Variants in SGCD observed in about 807,000 individuals in gnomAD.
SGCD encodes sarcoglycan delta.
In SGCD, 18 loss-of-function variants were observed where a neutral mutation model predicts 36.6. That is an observed-to-expected ratio of 0.49 (90% CI 0.34 to 0.73). The LOEUF is 0.73. Among genes scored for constraint, SGCD ranks in the 30% least tolerant of loss-of-function variants. The probability of loss-of-function intolerance (pLI) is 0.01; values close to 1 mark genes in which losing one functional copy is unlikely to be tolerated. For missense variants in SGCD, 387 were observed against 346.7 expected, an observed-to-expected ratio of 1.12 and a Z score of -0.92; for synonymous variants, 133 against 130.6, an observed-to-expected ratio of 1.02 and a Z score of -0.12.
chr5:156,284,990 T>C (rs971025789), intron 3 of SGCD, among the ~76,000 whole-genome samples: 2 of 152,118 alleles, frequency 1.3e-5, no homozygotes, highest in Non-Finnish European at 2.9e-5. Flanking sequence ...GGATACAAAA[T>C]CAATGTGCAA....
At chr5:155,758,500 T>C in the SGCD span, among the ~76,000 whole-genome samples, 1 of 152,226 alleles carries the variant, frequency 6.6e-6, no homozygotes, top group Non-Finnish European at 1.5e-5. Flanking sequence ...CCCAGGGTTA[T>C]GGACTGGTAC....
intron 3 of SGCD, among the ~76,000 whole-genome samples, chr5:156,301,154 T>G (rs1245246893): frequency 6.6e-6 from 1 of 152,046 alleles, no homozygotes; most frequent in African/African-American, 2.4e-5. Context: ...GTTCTATTAT[T>G]GTCGTCTCTT....
At chr5:156,387,825 C>G (rs1771351899) in intron 3 of SGCD, among the ~76,000 whole-genome samples, 1 of 152,148 alleles carries the variant, frequency 6.6e-6, no homozygotes, top group Non-Finnish European at 1.5e-5. Context: ...ATAAAATATA[C>G]AAGACGGTGC....
At chr5:156,209,981 G>A (rs1375448269) in intron 3 of SGCD, among the ~76,000 whole-genome samples, 2 of 152,134 alleles carry the variant, frequency 1.3e-5, no homozygotes, top group Non-Finnish European at 2.9e-5. Flanking sequence ...GCAAACAAAG[G>A]CTCAAGGCCA....
At chr5:156,587,586 A>T (rs1482262200) in intron 4 of SGCD, among the ~76,000 whole-genome samples, 1 of 152,126 alleles carries the variant, frequency 6.6e-6, no homozygotes, top group Non-Finnish European at 1.5e-5. Context: ...CCATTCTGCC[A>T]TGTGCAGGTG....
intron 1 of SGCD, among the ~76,000 whole-genome samples, chr5:155,890,645 TAGATA>T (rs1756105297): frequency 1.4e-5 from 2 of 142,726 alleles, no homozygotes; most frequent in African/African-American, 2.8e-5. Context: ...AGATGATAGA[TAGATA>T]GATAGATAGA....
At chr5:156,044,147 G>A (rs1759706757) in intron 1 of SGCD, among the ~76,000 whole-genome samples, 1 of 152,136 alleles carries the variant, frequency 6.6e-6, no homozygotes, top group Non-Finnish European at 1.5e-5. Context: ...ATTGGAATGA[G>A]AGTAAGGTCT....
chr5:156,590,263 C>T (rs1760674737), intron 5 of SGCD, among the ~76,000 whole-genome samples: 1 of 152,084 alleles, frequency 6.6e-6, no homozygotes, highest in Non-Finnish European at 1.5e-5. Flanking sequence ...ACCTTTGTGA[C>T]CATAGTCTTC....
chr5:156,529,633 C>T lies in SGCD; in HGVS notation c.294+20931C>T, dbSNP rs564264001. The stretch of plus-strand genomic sequence containing the variant: ...CTCTGTCATTGCTATGGATATGTTA[C>T]GCCGTTAGTCTTAATTTTAAAAAAC... On this transcript the variant is annotated intron_variant, in intron 4 of 8. Transcript: ENST00000337851. 1.3e-4 allele frequency among the ~76,000 whole-genome samples: 20 copies of T among 152,200 alleles called. 1 individual carries two copies. The South Asian group carries it at 3.1e-3, about 24-fold the overall frequency.
At chr5:155,800,110 C>T in the SGCD span, among the ~76,000 whole-genome samples, 4 of 152,080 alleles carry the variant, frequency 2.6e-5, no homozygotes, top group Non-Finnish European at 5.9e-5. Context: ...TGATCTACCA[C>T]GCCCAGCCCT....
At chr5:156,555,040 A>G (rs1758965141) in intron 4 of SGCD, among the ~76,000 whole-genome samples, 1 of 152,180 alleles carries the variant, frequency 6.6e-6, no homozygotes, top group Non-Finnish European at 1.5e-5. Context: ...TTCTTTGAAG[A>G]AATGTTGATT....
At chr5:156,121,151 T>G (rs763809747) in intron 2 of SGCD, among the ~76,000 whole-genome samples, 2 of 151,996 alleles carry the variant, frequency 1.3e-5, no homozygotes, top group Non-Finnish European at 2.9e-5. Context: ...TGATAAAAGA[T>G]GGAAAGATTC....
the SGCD span, among the ~76,000 whole-genome samples, chr5:155,798,459 T>A: frequency 1.3e-5 from 2 of 152,234 alleles, no homozygotes; most frequent in African/African-American, 4.8e-5. Context: ...TCCATCACAC[T>A]ATTTCTATAG....
At chr5:156,221,492 C>T (rs1295547526) in intron 3 of SGCD, among the ~76,000 whole-genome samples, 3 of 151,778 alleles carry the variant, frequency 2.0e-5, no homozygotes, top group Admixed American at 6.6e-5. Flanking sequence ...CTTAGAGCCT[C>T]GATTTTCCCA....
intron 6 of SGCD, among the ~76,000 whole-genome samples, chr5:156,628,528 A>G (rs1328987858): frequency 6.6e-6 from 1 of 152,228 alleles, no homozygotes; most frequent in Non-Finnish European, 1.5e-5. Flanking sequence ...TTAGTTTATA[A>G]TGAGAACATG....
At chr5:156,680,289 G>T (rs183947512) in intron 7 of SGCD, among the ~76,000 whole-genome samples, 1 of 152,176 alleles carries the variant, frequency 6.6e-6, no homozygotes, top group East Asian at 1.9e-4. Context: ...CCGGGACTGG[G>T]TACTTTCTGG....
chr5:155,741,530 T>A, the SGCD span, among the ~76,000 whole-genome samples: 1 of 152,198 alleles, frequency 6.6e-6, no homozygotes, highest in African/African-American at 2.4e-5. Flanking sequence ...CTAGAAAGAA[T>A]CTATTTGGTT....
chr5:155,846,792 G>A, the SGCD span, among the ~76,000 whole-genome samples: 1 of 152,134 alleles, frequency 6.6e-6, no homozygotes, highest in Non-Finnish European at 1.5e-5. Flanking sequence ...CTGCTTAGAT[G>A]TATTTCATTT....
chr5:155,975,252 T>C (rs1181880355), intron 1 of SGCD, among the ~76,000 whole-genome samples: 13 of 152,178 alleles, frequency 8.5e-5, no homozygotes, highest in Non-Finnish European at 1.9e-4. Context: ...TGAAGGCCTA[T>C]TGGGGGCCTA....
Sources: gnomAD v4.1 joint callset for allele counts (sites outside exome capture counted in the v4.1 genomes callset) on GRCh38, gnomAD v4.1.1 for gene constraint, MANE v1.5 for transcripts, NCBI Gene and HGNC (gene_info 2026-07-23, HGNC 2026-07-21) for gene names.